The following ARID3A variants were observed in gnomAD, a reference collection of about 807,000 sequenced individuals.
ARID3A encodes the protein AT-rich interactive domain-containing protein 3A.
ARID3A carries 11 observed loss-of-function variants against 52.7 expected under a neutral mutation model. The ratio of observed to expected loss-of-function variants is 0.21; its 90% confidence interval spans 0.13 to 0.35. The LOEUF is 0.35. Ranked by LOEUF, ARID3A falls within the 10% of genes least tolerant of loss-of-function variation. The pLI is 1.00. For synonymous variants in ARID3A, 404 were observed against 359.4 expected, an observed-to-expected ratio of 1.12 and a Z score of -1.40; for missense variants, 721 against 838.5, an observed-to-expected ratio of 0.86 and a Z score of 1.73.
At chr19:933,487 G>A (rs350150) in intron 3 of ARID3A, among the ~76,000 whole-genome samples, 95,514 of 152,108 alleles carry the variant, frequency 0.63, 30,540 homozygotes, top group Non-Finnish European at 0.69. Context: ...GCTCTGCCTC[G>A]ACCTCTGGGC....
chr19:974,493 G>A lies in ARID3A; in HGVS notation c.*2428G>A, dbSNP rs1053798314. ...GACCCCCGTCCCACGCCTGGGCCCCGCGCCGGGGGAAGCGCCTGCTGCCTA... is the reference window on the plus strand; with the variant it reads ...GACCCCCGTCCCACGCCTGGGCCCCACGCCGGGGGAAGCGCCTGCTGCCTA... On this transcript the variant is annotated 3_prime_UTR_variant, in exon 9 of 9. Transcript: ENST00000263620. The A allele has an allele frequency of 2.6e-5, 6 of 230,678 alleles. No individual in the cohort carries two copies. The highest frequency in any genetic ancestry group is 6.6e-5 in the African/African-American group (3 of 45,132). The allele number at this position is 230,678 out of a possible 1,614,324, so 14.3% of individuals were successfully genotyped here. A position where few individuals can be genotyped will look rare whatever the true frequency, so the allele number is the denominator to read the frequency against.
chr19:939,146 G>A (rs2037495102), intron 3 of ARID3A, among the ~76,000 whole-genome samples: 1 of 150,084 alleles, frequency 6.7e-6, no homozygotes, highest in Non-Finnish European at 1.5e-5. Flanking sequence ...TTTAGACGGA[G>A]TCTTGCTCTG....
At chr19:926,865 C>A (rs942549769) in intron 1 of ARID3A, among the ~76,000 whole-genome samples, 1 of 151,842 alleles carries the variant, frequency 6.6e-6, no homozygotes, top group Non-Finnish European at 1.5e-5. Context: ...CGTTTTTAGG[C>A]GCTCGGGCTG....
intron 8 of ARID3A, 130 bp from the exon 9 acceptor site, chr19:971,748 C>A: frequency 1.7e-6 from 2 of 1,211,174 alleles, no homozygotes; most frequent in Non-Finnish European, 2.2e-6. Flanking sequence ...GATGCCACCA[C>A]TGCACTCTAG....
intron 3 of ARID3A, among the ~76,000 whole-genome samples, chr19:952,921 C>T (rs1277227303): frequency 2.0e-5 from 3 of 152,100 alleles, no homozygotes; most frequent in African/African-American, 7.3e-5. Flanking sequence ...AAACCATAGC[C>T]CCCCTGTGAC....
At chr19:946,514 C>T (rs1278614444) in intron 3 of ARID3A, among the ~76,000 whole-genome samples, 1 of 145,850 alleles carries the variant, frequency 6.9e-6, no homozygotes, top group Non-Finnish European at 1.5e-5. Flanking sequence ...GGTCTTGGCT[C>T]ACTGCAAGCT....
In ARID3A at chr19:926,078, C is replaced by G. The variant is rs2037189467; in HGVS notation, c.-268+19C>G. 6.9e-6 allele frequency: 1 copy of G among 145,626 alleles called. No individual in the cohort carries two copies. Among genetic ancestry groups the G allele is most frequent in the African/African-American group, 2.5e-5 (1 of 39,668 alleles). The allele number at this position is 145,626 out of a possible 1,614,324, so 9.0% of individuals were successfully genotyped here. On this transcript the variant is annotated intron_variant, in intron 1 of 8. Coordinates refer to ENST00000263620, the MANE Select transcript of ARID3A (RefSeq NM_005224.3). ...CGGCTCGGTGAGTCGGCGCGCGGCA[C>G]AGCCCCGTGGGTCGGGGGCCGGGAG...
rs1345566847 is a variant in ARID3A at position 959,145 on chromosome 19, G to A, written c.694-947G>A. Reference sequence around the variant, plus strand: ...ACATTTATCAGGACGCATCCTGCACGAAGACAGAGGCAGAGGCTGGAGCGA... The same window carrying A: ...ACATTTATCAGGACGCATCCTGCACAAAGACAGAGGCAGAGGCTGGAGCGA... On this transcript the variant is annotated intron_variant, in intron 3 of 8. Transcript: ENST00000263620. The surrounding 1 kb of genome is among the most constrained non-coding windows in gnomAD (Gnocchi z 5.0). 1.3e-5 allele frequency among the ~76,000 whole-genome samples: 2 copies of A among 152,246 alleles called. No individual in the cohort carries two copies. Among genetic ancestry groups the A allele is most frequent in the Non-Finnish European group, 2.9e-5 (2 of 68,036 alleles).
intron 3 of ARID3A, among the ~76,000 whole-genome samples, chr19:954,269 GCCTCGGTTTC>G: frequency 6.6e-6 from 1 of 152,218 alleles, no homozygotes; most frequent in Middle Eastern, 3.2e-3. Flanking sequence ...CGCGCTCTGT[GCCTCGGTTTC>G]CCCTTCTCCG....
At chr19:962,413 C>A (rs953936169) in intron 4 of ARID3A, among the ~76,000 whole-genome samples, 1 of 152,038 alleles carries the variant, frequency 6.6e-6, no homozygotes, top group East Asian at 1.9e-4. Context: ...GGCCCCACGA[C>A]GGGCCCTGGT....
chr19:948,016 G>A (rs1223275048), intron 3 of ARID3A, among the ~76,000 whole-genome samples: 1 of 152,154 alleles, frequency 6.6e-6, no homozygotes, highest in Non-Finnish European at 1.5e-5. Context: ...GCCCAGAGAG[G>A]GCGGGGAAGG....
In ARID3A at chr19:942,408, G is replaced by A. The variant is rs1041287656; in HGVS notation, c.693+9666G>A. On this transcript the variant is annotated intron_variant, in intron 3 of 8. Transcript: ENST00000263620. The surrounding 1 kb of genome is among the most constrained non-coding windows in gnomAD (Gnocchi z 8.1). ...AGGTCCTCTCCACTGGCCGCCGGGA[G>A]CCGGGCCGGGAGCCGCTGCGGTGCC... 1.3e-5 allele frequency among the ~76,000 whole-genome samples: 2 copies of A among 152,200 alleles called. No homozygotes were observed. Among genetic ancestry groups the A allele is most frequent in the African/African-American group, 4.8e-5 (2 of 41,446 alleles).
chr19:941,157 G>T lies in ARID3A; in HGVS notation c.693+8415G>T, dbSNP rs538687306. ...ATGCTTTCTAATAACACACGCGGCA[G>T]CCCGAGGGAGCGGTGCCCGCAGGCA... On this transcript the variant is annotated intron_variant, in intron 3 of 8. Coordinates refer to ENST00000263620, the MANE Select transcript of ARID3A (RefSeq NM_005224.3). The surrounding 1 kb of genome is among the most constrained non-coding windows in gnomAD (Gnocchi z 6.9). 6.6e-6 allele frequency among the ~76,000 whole-genome samples: 1 copy of T among 152,346 alleles called. No homozygotes were observed. The highest frequency in any genetic ancestry group is 1.9e-4 in the East Asian group (1 of 5,178).
Position 929,447 on chromosome 19 carries a change from GCA to G in ARID3A, c.-81_-80del. On this transcript the variant is annotated 5_prime_UTR_variant, in exon 2 of 9. Coordinates refer to ENST00000263620, the MANE Select transcript of ARID3A (RefSeq NM_005224.3). The surrounding 1 kb of genome is among the most constrained non-coding windows in gnomAD (Gnocchi z 6.2). The stretch of plus-strand genomic sequence containing the variant: ...TGCAGTGCGGCCGGGCCCCCTCCCC[GCA>G]GGGGCCGCCCCCGCCGCCCACCCCT... 303 of 758,928 alleles carry G rather than the reference GCA, an allele frequency of 4.0e-4. No individual in the cohort carries two copies. Among genetic ancestry groups the G allele is most frequent in the Middle Eastern group, 5.2e-4 (1 of 1,932 alleles). The allele number at this position is 758,928 out of a possible 1,614,324, so 47.0% of individuals were successfully genotyped here. A position where few individuals can be genotyped will look rare whatever the true frequency, so the allele number is the denominator to read the frequency against.
In ARID3A at chr19:926,411, C is replaced by T. The variant is rs562362464; in HGVS notation, c.-268+352C>T. On this transcript the variant is annotated intron_variant, in intron 1 of 8. Transcript: ENST00000263620. ...TTCACTCCCCACTGGATCAATCGCT[C>T]AGGGGCGAGCAGGGGCGATCGGGGG... Among the ~76,000 whole-genome samples, 7 of 151,546 alleles carry T rather than the reference C, an allele frequency of 4.6e-5. No individual in the cohort carries two copies. The East Asian group carries it at 1.4e-3, about 30-fold the overall frequency.
chr19:949,426 G>T (rs1010305479), intron 3 of ARID3A, among the ~76,000 whole-genome samples: 3 of 152,180 alleles, frequency 2.0e-5, no homozygotes, highest in Non-Finnish European at 4.4e-5. Context: ...GCTGTCAGTG[G>T]ATGGGAGCTG....
Position 959,528 on chromosome 19 carries a change from C to T in ARID3A, c.694-564C>T, listed in dbSNP as rs2037995258. Among the ~76,000 whole-genome samples, 2 of 152,170 alleles carry T rather than the reference C, an allele frequency of 1.3e-5. No individual in the cohort carries two copies. The highest frequency in any genetic ancestry group is 2.1e-4 in the South Asian group (1 of 4,830). ...CCGGGCTCAAGCGATTCACCCGCCTCCCAAGGTGCTGGGATTACAGGTGTG... is the reference window on the plus strand; with the variant it reads ...CCGGGCTCAAGCGATTCACCCGCCTTCCAAGGTGCTGGGATTACAGGTGTG... On this transcript the variant is annotated intron_variant, in intron 3 of 8. Coordinates refer to ENST00000263620, the MANE Select transcript of ARID3A (RefSeq NM_005224.3). This position sits in a 1 kb window ranked among gnomAD's most constrained non-coding sequence, Gnocchi z 5.0.
rs537930704 is a variant in ARID3A at position 972,122 on chromosome 19, C to T, written c.*57C>T. The T allele has an allele frequency of 2.8e-6, 4 of 1,452,756 alleles. No individual in the cohort carries two copies. The South Asian group carries it at 5.5e-5, about 20-fold the overall frequency. 90.0% of individuals were successfully genotyped at this position (1,452,756 alleles called of 1,614,324 possible). A position where few individuals can be genotyped will look rare whatever the true frequency, so the allele number is the denominator to read the frequency against. ...GAGCCCGCCGGCCTGGGCAGGGGGT[C>T]CAGGTGGGCCACACAGGGGCCAGGA... On this transcript the variant is annotated 3_prime_UTR_variant, in exon 9 of 9. Transcript: ENST00000263620.
intron 2 of ARID3A, 151 bp from the exon 3 acceptor site, chr19:932,267 C>A: frequency 7.1e-7 from 1 of 1,406,170 alleles, no homozygotes; most frequent in Non-Finnish European, 9.5e-7. Flanking sequence ...CCACGCTGTG[C>A]TCATGAGCGC....
Sources: gnomAD v4.1 joint callset for allele counts (sites outside exome capture counted in the v4.1 genomes callset) on GRCh38, gnomAD v4.1.1 for gene constraint, Gnocchi (gnomAD v3.1) non-coding constraint, MANE v1.5 for transcripts, NCBI Gene and HGNC (gene_info 2026-07-23, HGNC 2026-07-21) for gene names.